Variants in TMEM63C observed in about 807,000 individuals in gnomAD.
TMEM63C encodes the protein osmosensitive cation channel TMEM63C.
A neutral mutation model predicts 99.2 loss-of-function variants in TMEM63C; 32 were observed. The ratio of observed to expected loss-of-function variants is 0.32; its 90% CI spans 0.24 to 0.43. The LOEUF (loss-of-function observed/expected upper bound fraction) is 0.43. Ranked by LOEUF, TMEM63C falls within the 20% of genes least tolerant of loss-of-function variation. TMEM63C has a pLI of 1.00. For synonymous variants in TMEM63C, 376 were observed against 397.9 expected, an observed-to-expected ratio of 0.94 and a Z score of 0.66; for missense variants, 826 against 1,053.0, an observed-to-expected ratio of 0.78 and a Z score of 2.98.
chr14:77,181,926 G>A (rs961764314), intron 1 of TMEM63C, 32 bp downstream of exon 1: 1 of 152,340 alleles, frequency 6.6e-6, no homozygotes, highest in African/African-American at 2.4e-5. Context: ...TGCGGTGACC[G>A]GGGCTGGTCG....
intron 1 of TMEM63C, among the ~76,000 whole-genome samples, chr14:77,199,791 C>T (rs897199666): frequency 6.6e-6 from 1 of 152,180 alleles, no homozygotes; most frequent in Admixed American, 6.5e-5. Flanking sequence ...TGGGACTCAT[C>T]GAACACTGGC....
intron 18 of TMEM63C, among the ~76,000 whole-genome samples, chr14:77,248,056 T>C (rs577302033): frequency 6.6e-6 from 1 of 152,348 alleles, no homozygotes; most frequent in East Asian, 1.9e-4. Context: ...TCAGACACCC[T>C]TGCTTTGGAT....
In TMEM63C at chr14:77,239,316, C is replaced by T. The variant is rs763346118; in HGVS notation, c.726-96C>T. ...CATCCAGGAACACCAGGCAGCTGAG[C>T]CACCCAGCCCTCAGGGCCGACATGC... On this transcript the variant is annotated intron_variant, in intron 10 of 23. Coordinates refer to ENST00000298351, the MANE Select transcript of TMEM63C (RefSeq NM_020431.4). The T allele has an allele frequency of 4.7e-4, 599 of 1,266,288 alleles. 1 individual carries two copies. Among genetic ancestry groups the T allele is most frequent in the Non-Finnish European group, 6.4e-4 (565 of 876,694 alleles). 78.4% of individuals were successfully genotyped at this position (1,266,288 alleles called of 1,614,324 possible). A position where few individuals can be genotyped will look rare whatever the true frequency, so the allele number is the denominator to read the frequency against.
intron 16 of TMEM63C, among the ~76,000 whole-genome samples, chr14:77,245,043 A>G (rs1475508095): frequency 6.6e-6 from 1 of 152,224 alleles, no homozygotes; most frequent in Non-Finnish European, 1.5e-5. Context: ...CATGCATCTC[A>G]AAAGTTATTT....
chr14:77,257,426 G>C lies in TMEM63C; in HGVS notation c.*700G>C, dbSNP rs919226274. ...CTTTCTATTCTTACAAGGGTAGCTA[G>C]AGCGTGATCACTCAGGGCTCATCAA... On this transcript the variant is annotated 3_prime_UTR_variant, in exon 24 of 24. Transcript: ENST00000298351. 1.3e-5 allele frequency: 2 copies of C among 152,266 alleles called. No homozygotes were observed. Among genetic ancestry groups the C allele is most frequent in the South Asian group, 2.1e-4 (1 of 4,830 alleles). 9.4% of individuals were successfully genotyped at this position (152,266 alleles called of 1,614,324 possible). A position where few individuals can be genotyped will look rare whatever the true frequency, so the allele number is the denominator to read the frequency against.
chr14:77,231,249 G>A (rs1888933920), intron 6 of TMEM63C, among the ~76,000 whole-genome samples: 1 of 152,144 alleles, frequency 6.6e-6, no homozygotes, highest in African/African-American at 2.4e-5. Flanking sequence ...TCTGGTGCCT[G>A]CACCATAGCA....
chr14:77,219,548 G>A lies in TMEM63C; in HGVS notation c.201G>A (p.Gly67=). The A allele has an allele frequency of 6.2e-7, 1 of 1,613,966 alleles. No individual in the cohort carries two copies. Among genetic ancestry groups the A allele is most frequent in the Non-Finnish European group, 8.5e-7 (1 of 1,179,890 alleles). ...TCCGGAAAGCTGCGTGGGACTATGGGCGCCTGGCTCTGCTGATACACAATG... is the reference window on the plus strand; with the variant it reads ...TCCGGAAAGCTGCGTGGGACTATGGACGCCTGGCTCTGCTGATACACAATG... ...SFLRKAAWDY[G]RLALLIHNDS... is the part of the protein sequence containing the mutation. The change falls in exon 4 of 24, where the codon GGG becomes GGA. Residue 67 remains glycine, a synonymous_variant. Transcript: ENST00000298351.
intron 1 of TMEM63C, among the ~76,000 whole-genome samples, chr14:77,191,450 TG>T (rs1316106884): frequency 6.6e-6 from 1 of 152,174 alleles, no homozygotes; most frequent in Admixed American, 6.6e-5. Context: ...GAGGAGTTTT[TG>T]CATATGTCTA....
chr14:77,224,798 C>T (rs367169), intron 5 of TMEM63C, among the ~76,000 whole-genome samples: 75,878 of 151,908 alleles, frequency 0.5, 19,462 homozygotes, highest in East Asian at 0.76. Flanking sequence ...AGAGACCTTC[C>T]TCCTTGCAAC....
chr14:77,242,317 A>AC, intron 13 of TMEM63C, 30 bp from the exon 14 acceptor site: 2 of 1,396,248 alleles, frequency 1.4e-6, no homozygotes, highest in East Asian at 3.0e-5. Flanking sequence ...CCCCAGACCC[A>AC]CATTTCTTCC....
At chr14:77,248,567 G>T (rs1889305137) in intron 19 of TMEM63C, 58 bp downstream of exon 19, 3 of 1,550,086 alleles carry the variant, frequency 1.9e-6, no homozygotes, top group African/African-American at 1.4e-5. Flanking sequence ...GGGTGTCAGG[G>T]ATAGAGCCTG....
intron 6 of TMEM63C, among the ~76,000 whole-genome samples, chr14:77,228,693 T>G (rs1453266680): frequency 6.6e-6 from 1 of 152,030 alleles, no homozygotes; most frequent in Non-Finnish European, 1.5e-5. Flanking sequence ...CGTGCCACCA[T>G]GCCTGGCTAA....
At chr14:77,190,120 T>TATTATG (rs901768049) in intron 1 of TMEM63C, among the ~76,000 whole-genome samples, 31 of 151,746 alleles carry the variant, frequency 2.0e-4, no homozygotes, top group African/African-American at 7.3e-4. Context: ...GAATTATGAT[T>TATTATG]ATTATTATTA....
chr14:77,250,373 A>C (rs1889338008), intron 21 of TMEM63C, among the ~76,000 whole-genome samples: 1 of 151,312 alleles, frequency 6.6e-6, no homozygotes, highest in Non-Finnish European at 1.5e-5. Flanking sequence ...CCCTTCCCTC[A>C]GACACCTGAC....
At position 77,218,933 on chromosome 14, in the gene TMEM63C, C is replaced by A. The variant is rs147741741; in HGVS notation, c.120C>A (p.Thr40=). ...LQGQPFGGVP[T]VLCLNIALWV... ...GGCAGCCCTTTGGGGGTGTCCCCAC[C>A]GTGCTGTGCCTCAACATCGCCCTGT... The change falls in exon 3 of 24, where the codon ACC becomes ACA. Residue 40 remains threonine (T), a synonymous_variant. Transcript: ENST00000298351. 2 of 1,604,554 alleles carry A rather than the reference C, an allele frequency of 1.2e-6. No individual in the cohort carries two copies. Among genetic ancestry groups the A allele is most frequent in the Non-Finnish European group, 1.7e-6 (2 of 1,175,720 alleles).
At chr14:77,222,043 C>A (rs1405547295) in intron 5 of TMEM63C, among the ~76,000 whole-genome samples, 5 of 152,216 alleles carry the variant, frequency 3.3e-5, no homozygotes, top group African/African-American at 9.6e-5. Flanking sequence ...CCCACACTGA[C>A]AACTTCCTTT....
intron 1 of TMEM63C, among the ~76,000 whole-genome samples, chr14:77,185,911 G>A (rs1887985819): frequency 6.6e-6 from 1 of 152,014 alleles, no homozygotes; most frequent in African/African-American, 2.4e-5. Flanking sequence ...CCCAGCTTGG[G>A]GCCTGGTGAC....
chr14:77,190,901 A>C (rs1888094150), intron 1 of TMEM63C, among the ~76,000 whole-genome samples: 1 of 152,200 alleles, frequency 6.6e-6, no homozygotes, highest in South Asian at 2.1e-4. Flanking sequence ...CAAATTTTGG[A>C]AATGTAAGTT....
At chr14:77,194,362 GTGTGTGTGTGTGTGTGTGTGTA>G (rs1177359283) in intron 1 of TMEM63C, among the ~76,000 whole-genome samples, 10 of 150,816 alleles carry the variant, frequency 6.6e-5, no homozygotes, top group South Asian at 4.2e-4. Flanking sequence ...GTGTGTGTGT[GTGTGTGTGTGTGTGTGTGTGTA>G]TGTTCATATT....
Sources: gnomAD v4.1 joint callset for allele counts (sites outside exome capture counted in the v4.1 genomes callset) on GRCh38, gnomAD v4.1.1 for gene constraint, MANE v1.5 for transcripts, NCBI Gene and HGNC (gene_info 2026-07-23, HGNC 2026-07-21) for gene names.